The following TCF20 variants were observed in gnomAD, a reference collection of about 807,000 sequenced individuals.
TCF20 encodes the protein transcription factor 20.
Under a neutral mutation model 148.6 loss-of-function variants are expected in TCF20, and 3 were observed. The observed-to-expected ratio is 0.02, with a 90% CI of 0.01 to 0.05. The LOEUF is 0.05. Ranked by LOEUF, TCF20 falls within the 10% of genes least tolerant of loss-of-function variation. The pLI is 1.00. For synonymous variants in TCF20, 1,049 were observed against 909.5 expected, an observed-to-expected ratio of 1.15 and a Z score of -2.76; for missense variants, 2,350 against 2,429.3, an observed-to-expected ratio of 0.97 and a Z score of 0.69.
chr22:42,315,090 G>C (rs1927605059), intron 1 of TCF20, among the ~76,000 whole-genome samples: 1 of 152,118 alleles, frequency 6.6e-6, no homozygotes, highest in African/African-American at 2.4e-5. Context: ...CTGGAATCAA[G>C]GAATGGTCTG....
chr22:42,211,188 G>A lies in TCF20; in HGVS notation c.4118C>T (p.Ala1373Val), dbSNP rs148859074. 1.1e-4 allele frequency: 180 copies of A among 1,614,028 alleles called. 1 individual carries two copies. In the Middle Eastern group the frequency reaches 1.5e-3, roughly 13 times the overall value. The change falls in exon 2 of 6, where the codon GCG becomes GTG. Residue 1373 changes from alanine (A) to valine (V), a missense_variant. By Grantham distance (64) the Ala-to-Val change is moderately conservative. Transcript: ENST00000677622. ...CGTAACCGTGTCTCCCCCAGCCTCC[G>A]CACTGTTCGAAGATGCGCTCCTCCT... ...NIRRSASSNS[A>V]EAGGDTVTLD...
Position 42,299,647 on chromosome 22 carries a change from G to A in TCF20, c.-37+43832C>T, listed in dbSNP as rs569395589. On this transcript the variant is annotated intron_variant, in intron 1 of 1. Transcript: ENST00000515426. This position sits in a 1 kb window ranked among gnomAD's most constrained non-coding sequence, Gnocchi z 4.1. ...CCAACCTCTGTACCTCTCCCCGAACGCAGGCCCCCCTGCCCGCACCCCAAC... is the reference window on the plus strand; with the variant it reads ...CCAACCTCTGTACCTCTCCCCGAACACAGGCCCCCCTGCCCGCACCCCAAC... 2.0e-5 allele frequency among the ~76,000 whole-genome samples: 3 copies of A among 152,278 alleles called. No homozygotes were observed. The highest frequency in any genetic ancestry group is 2.1e-4 in the South Asian group (1 of 4,822).
intron 1 of TCF20, among the ~76,000 whole-genome samples, chr22:42,334,526 G>A (rs2147060458): frequency 6.6e-6 from 1 of 152,368 alleles, no homozygotes; most frequent in Admixed American, 6.5e-5. Context: ...TGTTCTAGGA[G>A]CTGGAGGCAG....
chr22:42,235,741 T>A (rs1354106368), intron 1 of TCF20, among the ~76,000 whole-genome samples: 2 of 152,188 alleles, frequency 1.3e-5, no homozygotes, highest in Non-Finnish European at 2.9e-5. Flanking sequence ...TGTCTCACAT[T>A]CTTCACCTGC....
intron 2 of TCF20, among the ~76,000 whole-genome samples, chr22:42,180,012 C>T (rs1407914475): frequency 1.3e-5 from 2 of 152,134 alleles, no homozygotes; most frequent in African/African-American, 2.4e-5. Flanking sequence ...CTGGTACCCC[C>T]GCCATCCACC....
At chr22:42,194,374 C>G (rs1036897555) in intron 2 of TCF20, among the ~76,000 whole-genome samples, 1 of 152,204 alleles carries the variant, frequency 6.6e-6, no homozygotes, top group African/African-American at 2.4e-5. Flanking sequence ...TTCTGTGGCA[C>G]TGCTAAAACC....
chr22:42,234,160 CA>C (rs573969993), intron 1 of TCF20, among the ~76,000 whole-genome samples: 1 of 152,248 alleles, frequency 6.6e-6, no homozygotes, highest in South Asian at 2.1e-4. Flanking sequence ...CGAGTCCAAA[CA>C]AAAACACACT....
At chr22:42,227,193 G>C (rs1026029518) in intron 1 of TCF20, among the ~76,000 whole-genome samples, 9 of 152,124 alleles carry the variant, frequency 5.9e-5, no homozygotes, top group African/African-American at 1.9e-4. Flanking sequence ...TGAGGCACAA[G>C]AATCACTTGA....
intron 1 of TCF20, among the ~76,000 whole-genome samples, chr22:42,243,667 A>G (rs911711484): frequency 4.6e-5 from 7 of 152,200 alleles, no homozygotes; most frequent in South Asian, 2.1e-4. Flanking sequence ...TCAATACTGT[A>G]TATCAAGTGT....
intron 1 of TCF20, among the ~76,000 whole-genome samples, chr22:42,281,543 A>G (rs1926902782): frequency 6.6e-6 from 1 of 152,120 alleles, no homozygotes; most frequent in Admixed American, 6.5e-5. Context: ...CTGTTCTTGC[A>G]CTTCCCTCTG....
At chr22:42,238,168 C>T (rs1924048954) in intron 1 of TCF20, among the ~76,000 whole-genome samples, 1 of 152,210 alleles carries the variant, frequency 6.6e-6, no homozygotes, top group Non-Finnish European at 1.5e-5. Flanking sequence ...AGATAACTTG[C>T]TGCAGCTTCT....
chr22:42,175,064 C>T (rs573915813), intron 3 of TCF20, among the ~76,000 whole-genome samples: 2 of 151,450 alleles, frequency 1.3e-5, no homozygotes, highest in African/African-American at 4.8e-5. Flanking sequence ...CCATTTTTTT[C>T]AACTAGAAAC....
intron 1 of TCF20, among the ~76,000 whole-genome samples, chr22:42,239,511 G>A (rs555471557): frequency 3.9e-4 from 59 of 151,598 alleles, no homozygotes; most frequent in African/African-American, 1.4e-3. Context: ...ATTCAGGCCA[G>A]GTGTGGTGGC....
intron 1 of TCF20, among the ~76,000 whole-genome samples, chr22:42,296,337 G>A (rs1394493943): frequency 6.6e-6 from 1 of 152,232 alleles, no homozygotes; most frequent in African/African-American, 2.4e-5. Flanking sequence ...GCCTGAGGAT[G>A]TGAACAGCTC....
chr22:42,186,563 A>G (rs1181565891), intron 2 of TCF20, among the ~76,000 whole-genome samples: 1 of 152,156 alleles, frequency 6.6e-6, no homozygotes, highest in Non-Finnish European at 1.5e-5. Context: ...TCTCTCCTAC[A>G]ATCTGCCTTA....
In TCF20 at chr22:42,228,910, G is replaced by A. The variant is rs150704727; in HGVS notation, c.-36-13569C>T. Reference sequence around the variant, plus strand: ...CAGAATGGAAAATAACAGAGTCCACGGCTCATGAAGTATAAGAACCGTTTT... The same window carrying A: ...CAGAATGGAAAATAACAGAGTCCACAGCTCATGAAGTATAAGAACCGTTTT... On this transcript the variant is annotated intron_variant, in intron 1 of 5. Coordinates refer to ENST00000677622, the MANE Select transcript of TCF20 (RefSeq NM_001378418.1). 1.3e-3 allele frequency among the ~76,000 whole-genome samples: 204 copies of A among 152,270 alleles called. 1 individual carries two copies. The highest frequency in any genetic ancestry group is 4.6e-3 in the African/African-American group (192 of 41,550).
intron 1 of TCF20, among the ~76,000 whole-genome samples, chr22:42,318,063 C>T (rs1182386400): frequency 6.6e-6 from 1 of 152,262 alleles, no homozygotes; most frequent in African/African-American, 2.4e-5. Context: ...GGCCCGCTTA[C>T]CTGCCAGAGG....
chr22:42,237,593 C>A (rs934922789), intron 1 of TCF20, among the ~76,000 whole-genome samples: 1 of 152,158 alleles, frequency 6.6e-6, no homozygotes, highest in Non-Finnish European at 1.5e-5. Flanking sequence ...ATTCACTCTG[C>A]CCAGACCCAC....
chr22:42,165,947 G>A (rs553999906), intron 5 of TCF20, among the ~76,000 whole-genome samples: 9 of 152,324 alleles, frequency 5.9e-5, no homozygotes, highest in African/African-American at 1.9e-4. Context: ...TTCGCTGTCT[G>A]TTCCCTGCCT....
Sources: allele counts gnomAD v4.1 joint callset (sites outside exome capture counted in the v4.1 genomes callset), GRCh38; gene constraint gnomAD v4.1.1; non-coding constraint Gnocchi (gnomAD v3.1); transcripts MANE v1.5; gene names NCBI Gene and HGNC (gene_info 2026-07-23, HGNC 2026-07-21).